The following LDB2 variants were observed in gnomAD, a reference collection of about 807,000 sequenced individuals.
The protein encoded by LDB2 is LIM domain binding 2.
A neutral mutation model predicts 44.3 loss-of-function variants in LDB2; 12 were observed. The observed-to-expected ratio is 0.27, with a 90% confidence interval of 0.17 to 0.44. LDB2 has a LOEUF of 0.44. LDB2 is among the 20% of genes least tolerant of loss of function. LDB2 has a pLI of 1.00. For synonymous variants in LDB2, 164 were observed against 174.8 expected (o/e 0.94, Z 0.49); for missense variants, 344 against 473.5 (o/e 0.73, Z 2.54).
intron 5 of LDB2, among the ~76,000 whole-genome samples, chr4:16,515,111 A>G (rs1202262780): frequency 6.6e-6 from 1 of 152,210 alleles, no homozygotes; most frequent in African/African-American, 2.4e-5. Context: ...AGCCATAAAA[A>G]AGTACAAAAT....
intron 1 of LDB2, among the ~76,000 whole-genome samples, chr4:16,764,525 CA>C (rs112962985): frequency 0.065 from 7,157 of 109,524 alleles, 318 homozygotes; most frequent in African/African-American, 0.14. Flanking sequence ...ACAATCACTA[CA>C]AAAAAAAAAA....
intron 2 of LDB2, among the ~76,000 whole-genome samples, chr4:16,615,069 C>CA (rs71649971): frequency 0.5 from 23,391 of 46,782 alleles, 6,112 homozygotes; most frequent in East Asian, 0.62. Flanking sequence ...GACTCCGTCT[C>CA]AAAAAAAAAA....
chr4:16,610,107 T>C (rs1232475381), intron 2 of LDB2, among the ~76,000 whole-genome samples: 3 of 151,790 alleles, frequency 2.0e-5, no homozygotes, highest in Admixed American at 6.6e-5. Flanking sequence ...GCAGCACCCC[T>C]ACAGAAGAGG....
Position 16,602,196 on chromosome 4 carries a change from T to C in LDB2, c.236-6321A>G, listed in dbSNP as rs968567163. Among the ~76,000 whole-genome samples the C allele has an allele frequency of 3.9e-5, 6 of 152,128 alleles. No homozygotes were observed. The South Asian group carries it at 1.2e-3, about 31-fold the overall frequency. ...CAGATATTGTTCTAGGTGCTAGAAA[T>C]AGACGAGTAAGGAGACAGAGAATAA... is the stretch of plus-strand genomic sequence containing the variant. On this transcript the variant is annotated intron_variant, in intron 2 of 7. Transcript: ENST00000304523.
Position 16,595,817 on chromosome 4 carries a change from G to T in LDB2, c.294C>A (p.Thr98=). 6.2e-7 allele frequency: 1 copy of T among 1,613,526 alleles called. No individual in the cohort carries two copies. The change falls in exon 3 of 8, where the codon ACC becomes ACA. Residue 98 remains threonine, a synonymous_variant. Coordinates refer to ENST00000304523, the MANE Select transcript of LDB2 (RefSeq NM_001290.5). ...YFSTVFEGGV[T]DLYYILKHSK... ...AGTGTTTGAGAATGTAATACAGGTCGGTCACCCCTCCTTCAAACACAGTGC... is the reference window on the plus strand; with the variant it reads ...AGTGTTTGAGAATGTAATACAGGTCTGTCACCCCTCCTTCAAACACAGTGC...
intron 5 of LDB2, among the ~76,000 whole-genome samples, chr4:16,542,553 A>C (rs758170311): frequency 6.6e-6 from 1 of 152,186 alleles, no homozygotes; most frequent in Non-Finnish European, 1.5e-5. Flanking sequence ...GAAGAGAAGC[A>C]GAGGCTAGAT....
intron 2 of LDB2, among the ~76,000 whole-genome samples, chr4:16,720,150 A>C (rs1436494743): frequency 1.3e-5 from 2 of 152,058 alleles, no homozygotes; most frequent in African/African-American, 2.4e-5. Context: ...AATGTCTAGT[A>C]ATTCAATCAA....
chr4:16,755,116 T>G (rs953578301), intron 2 of LDB2, among the ~76,000 whole-genome samples: 1 of 152,166 alleles, frequency 6.6e-6, no homozygotes, highest in Non-Finnish European at 1.5e-5. Context: ...CTAGGTCAGC[T>G]GAGAAGCATG....
At chr4:16,700,162 T>G (rs1400491587) in intron 2 of LDB2, among the ~76,000 whole-genome samples, 1 of 152,194 alleles carries the variant, frequency 6.6e-6, no homozygotes, top group Non-Finnish European at 1.5e-5. Context: ...TTTCAAATTT[T>G]GAAGCATTTC....
rs781574671 is a variant in LDB2, at chr4:16,791,556, G to GGAAAAAAAAAAAAA, written c.133-32297_133-32296insTTTTTTTTTTTTTC. Among the ~76,000 whole-genome samples, 18 of 59,020 alleles carry GGAAAAAAAAAAAAA rather than the reference G, an allele frequency of 3.0e-4. 1 individual carries two copies. The highest frequency in any genetic ancestry group is 2.9e-4 in the Non-Finnish European group (9 of 31,430). 38.7% of individuals were successfully genotyped at this position (59,020 alleles called of 152,430 possible). A position where few individuals can be genotyped will look rare whatever the true frequency, so the allele number is the denominator to read the frequency against. ...GGCAACAGAGCGAGACTCTGGCTCA[G>GGAAAAAAAAAAAAA]AAAAAAAAAAAAAAAAGAAAGACAG... On this transcript the variant is annotated intron_variant, in intron 1 of 7. Transcript: ENST00000304523.
At chr4:16,796,284 TCAAA>T (rs752876154) in intron 1 of LDB2, among the ~76,000 whole-genome samples, 7 of 151,310 alleles carry the variant, frequency 4.6e-5, no homozygotes, top group Non-Finnish European at 8.9e-5. Flanking sequence ...GCACTCTGTC[TCAAA>T]CAAAACAAAA....
intron 2 of LDB2, among the ~76,000 whole-genome samples, chr4:16,677,098 G>A (rs773097080): frequency 1.3e-5 from 2 of 152,164 alleles, no homozygotes; most frequent in Admixed American, 6.5e-5. Context: ...AGAGAATAGC[G>A]CCTATGTGTT....
intron 2 of LDB2, among the ~76,000 whole-genome samples, chr4:16,661,812 GA>G (rs1338289067): frequency 6.6e-6 from 1 of 152,174 alleles, no homozygotes; most frequent in Non-Finnish European, 1.5e-5. Context: ...ATGAGAGCCA[GA>G]AGCATTTAAT....
At chr4:16,681,618 C>CTTTTTT (rs536589787) in intron 2 of LDB2, among the ~76,000 whole-genome samples, 13 of 61,672 alleles carry the variant, frequency 2.1e-4, no homozygotes, top group East Asian at 6.1e-4. Context: ...GTATTCTATT[C>CTTTTTT]TTTTTTTTTT....
chr4:16,762,016 A>C (rs1209773408), intron 1 of LDB2, among the ~76,000 whole-genome samples: 1 of 152,072 alleles, frequency 6.6e-6, no homozygotes, highest in Admixed American at 6.6e-5. Context: ...GAAAATAGAA[A>C]ACTAAATGGA....
chr4:16,581,020 T>A (rs1257808808), intron 5 of LDB2, among the ~76,000 whole-genome samples: 2 of 152,046 alleles, frequency 1.3e-5, no homozygotes, highest in African/African-American at 4.8e-5. Flanking sequence ...TCAAACTGAG[T>A]TAGAAGAAGC....
At chr4:16,569,243 A>G (rs1745564468) in intron 5 of LDB2, among the ~76,000 whole-genome samples, 1 of 152,208 alleles carries the variant, frequency 6.6e-6, no homozygotes, top group Non-Finnish European at 1.5e-5. Context: ...TAAAATCCAC[A>G]TTGTCAGTTC....
chr4:16,628,784 C>T (rs927629561), intron 2 of LDB2, among the ~76,000 whole-genome samples: 5 of 152,082 alleles, frequency 3.3e-5, no homozygotes, highest in Admixed American at 1.3e-4. Flanking sequence ...GAGGGTGAGC[C>T]GAAGAAGGGT....
chr4:16,852,001 A>C (rs991287456), intron 1 of LDB2, among the ~76,000 whole-genome samples: 4 of 152,234 alleles, frequency 2.6e-5, no homozygotes, highest in African/African-American at 9.6e-5. Context: ...TAAAAGAAAC[A>C]GTAGTGACCC....
Sources: allele counts gnomAD v4.1 joint callset (sites outside exome capture counted in the v4.1 genomes callset), GRCh38; gene constraint gnomAD v4.1.1; transcripts MANE v1.5; gene names NCBI Gene and HGNC (gene_info 2026-07-23, HGNC 2026-07-21).